COG5: variants seen among roughly 807,000 people sequenced by gnomAD.
COG5 encodes component of oligomeric golgi complex 5.
A neutral mutation model predicts 110.4 loss-of-function variants in COG5; 86 were observed. The ratio of observed to expected loss-of-function variants is 0.78; its 90% CI spans 0.65 to 0.93. The LOEUF is 0.93. Among genes scored for constraint, COG5 ranks in the 40% least tolerant of loss-of-function variants. The pLI is 0.00. For synonymous variants in COG5, 360 were observed against 334.6 expected, an observed-to-expected ratio of 1.08 and a Z score of -0.83; for missense variants, 1,077 against 987.0, an observed-to-expected ratio of 1.09 and a Z score of -1.22.
chr7:107,466,768 A>G (rs1796318462), intron 6 of COG5, among the ~76,000 whole-genome samples: 1 of 152,234 alleles, frequency 6.6e-6, no homozygotes, highest in Non-Finnish European at 1.5e-5. Context: ...GAGAGAGTTC[A>G]AGGTTTACTA....
intron 7 of COG5, among the ~76,000 whole-genome samples, chr7:107,398,154 A>T (rs1791146913): frequency 6.6e-6 from 1 of 152,242 alleles, no homozygotes; most frequent in Non-Finnish European, 1.5e-5. Flanking sequence ...TTTGCTTTTC[A>T]AAAAGACAAT....
intron 10 of COG5, among the ~76,000 whole-genome samples, chr7:107,358,684 C>G (rs918930436): frequency 7.2e-5 from 11 of 152,164 alleles, no homozygotes; most frequent in African/African-American, 2.7e-4. Flanking sequence ...TACTGAACAC[C>G]TGCTTTTCTA....
rs71314693 is a variant in COG5 at position 107,297,443 on chromosome 7, C to CTTTTTTTTTT, written c.1313+689_1313+698dup. 2.6e-4 allele frequency among the ~76,000 whole-genome samples: 20 copies of CTTTTTTTTTT among 77,984 alleles called. 2 individuals carry two copies. Among genetic ancestry groups the CTTTTTTTTTT allele is most frequent in the East Asian group, 1.8e-3 (4 of 2,226 alleles). The allele number at this position is 77,984 out of a possible 152,430, so 51.2% of individuals were successfully genotyped here. On this transcript the variant is annotated intron_variant, in intron 12 of 21. Transcript: ENST00000297135. ...TACCCAAGGGATGAGTACATTCTGCCTTTTTTTTTTTTTTTTTTTTTTTGA... is the reference window on the plus strand; with the variant it reads ...TACCCAAGGGATGAGTACATTCTGCCTTTTTTTTTTTTTTTTTTTTTTTTTTTTTTTTTGA...
rs774725298 is a variant in COG5, at chr7:107,236,676, C to G, written c.1865G>C (p.Ser622Thr). Residue 622 changes from serine (S) to threonine (T), a missense_variant, in exon 18 of 22, where the codon AGC becomes ACC. By Grantham distance (58) the Ser-to-Thr change is moderately conservative. Coordinates refer to ENST00000297135, the MANE Select transcript of COG5 (RefSeq NM_006348.5). Reference sequence around the variant, plus strand: ...ACAAGGAACATCAGGTTTTCCTGAGCTGGATAATGACCTGTAAAAGAAAAA... The same window carrying G: ...ACAAGGAACATCAGGTTTTCCTGAGGTGGATAATGACCTGTAAAAGAAAAA... ...HQEDFSGSLS[S>T]SGKPDVPCSL... 8.1e-6 allele frequency: 13 copies of G among 1,612,820 alleles called. No homozygotes were observed. Among genetic ancestry groups the G allele is most frequent in the East Asian group, 2.2e-5 (1 of 44,882 alleles).
At chr7:107,287,709 G>A (rs1562951778) in intron 12 of COG5, among the ~76,000 whole-genome samples, 1 of 152,068 alleles carries the variant, frequency 6.6e-6, no homozygotes, top group Non-Finnish European at 1.5e-5. Context: ...TTGCTATTCT[G>A]GATTTGCATA....
At chr7:107,455,960 A>AT (rs938447193) in intron 6 of COG5, among the ~76,000 whole-genome samples, 45 of 148,000 alleles carry the variant, frequency 3.0e-4, no homozygotes, top group South Asian at 4.3e-4. Flanking sequence ...CACCTGGCTA[A>AT]TTTTTTTTTT....
chr7:107,271,217 G>C (rs1257952014), intron 14 of COG5, among the ~76,000 whole-genome samples: 1 of 152,030 alleles, frequency 6.6e-6, no homozygotes, highest in Non-Finnish European at 1.5e-5. Flanking sequence ...ATTGCATCTA[G>C]CCTGGGCAAC....
rs1805872610 is a variant in COG5, at chr7:107,288,881, G to A, written c.1314-5149C>T. Reference sequence around the variant, plus strand: ...TATTTACCAAATCCTAATGCATGAAGATTTGCCCCTATGTTTTCTAACAGA... The same window carrying A: ...TATTTACCAAATCCTAATGCATGAAAATTTGCCCCTATGTTTTCTAACAGA... On this transcript the variant is annotated intron_variant, in intron 12 of 21. Coordinates refer to ENST00000297135, the MANE Select transcript of COG5 (RefSeq NM_006348.5). 3.2e-5 allele frequency among the ~76,000 whole-genome samples: 4 copies of A among 126,544 alleles called. No individual in the cohort carries two copies. The South Asian group carries it at 1.1e-3, about 34-fold the overall frequency. The allele number at this position is 126,544 out of a possible 152,430, so 83.0% of individuals were successfully genotyped here.
rs200129484 is a variant in COG5 at position 107,535,354 on chromosome 7, C to CA, written c.418-7998dup. 3.9e-3 allele frequency among the ~76,000 whole-genome samples: 592 copies of CA among 151,134 alleles called. 31 individuals carry two copies. The highest frequency in any genetic ancestry group is 0.014 in the African/African-American group (551 of 40,796). On this transcript the variant is annotated intron_variant, in intron 5 of 21. Transcript: ENST00000297135. ...GGAGATAGAGACATGAAAAACCCTT[C>CA]AAAAAAAATCAATGAATCCAGGAGC...
chr7:107,533,420 G>C (rs1195516759), intron 5 of COG5, among the ~76,000 whole-genome samples: 1 of 151,018 alleles, frequency 6.6e-6, no homozygotes, highest in East Asian at 1.9e-4. Flanking sequence ...TAAGAGCTTT[G>C]AAAAAAAGGT....
In COG5 at chr7:107,384,524, T is replaced by C. The variant is rs141384265; in HGVS notation, c.670-11764A>G. On this transcript the variant is annotated intron_variant, in intron 7 of 21. Transcript: ENST00000297135. ...GCGAGAGGCCCTGTTTTCCCCCTTTTCCCCCAGTAAAACTGTGCTTCACTC... is the reference window on the plus strand; with the variant it reads ...GCGAGAGGCCCTGTTTTCCCCCTTTCCCCCCAGTAAAACTGTGCTTCACTC... Among the ~76,000 whole-genome samples, 1,170 of 152,178 alleles carry C rather than the reference T, an allele frequency of 7.7e-3. 16 individuals carry two copies. Among genetic ancestry groups the C allele is most frequent in the African/African-American group, 0.026 (1,100 of 41,524 alleles).
At chr7:107,487,675 T>C (rs1797728443) in intron 6 of COG5, among the ~76,000 whole-genome samples, 1 of 151,774 alleles carries the variant, frequency 6.6e-6, no homozygotes, top group African/African-American at 2.4e-5. Context: ...ATTGAACAAC[T>C]GTGCAAAGAT....
chr7:107,390,496 T>C (rs1790540108), intron 7 of COG5, among the ~76,000 whole-genome samples: 1 of 152,032 alleles, frequency 6.6e-6, no homozygotes, highest in Non-Finnish European at 1.5e-5. Flanking sequence ...TTCTCTACCA[T>C]GGAATCAATC....
intron 1 of COG5, among the ~76,000 whole-genome samples, chr7:107,562,694 G>T (rs189701308): frequency 6.6e-5 from 10 of 152,280 alleles, no homozygotes; most frequent in Admixed American, 2.0e-4. Flanking sequence ...ACATGAAATA[G>T]TTCAGAAAAC....
At chr7:107,553,935 G>A (rs1299009599) in intron 3 of COG5, among the ~76,000 whole-genome samples, 1 of 152,150 alleles carries the variant, frequency 6.6e-6, no homozygotes, top group East Asian at 1.9e-4. Context: ...ACAATGCTGT[G>A]TTAGTACACA....
chr7:107,243,270 T>C (rs575153896), intron 17 of COG5, among the ~76,000 whole-genome samples: 1 of 152,168 alleles, frequency 6.6e-6, no homozygotes, highest in South Asian at 2.1e-4. Flanking sequence ...TCCCAGCACC[T>C]TGGGAGGCCG....
intron 21 of COG5, among the ~76,000 whole-genome samples, chr7:107,203,908 T>C (rs1166696857): frequency 6.6e-6 from 1 of 152,134 alleles, no homozygotes; most frequent in Non-Finnish European, 1.5e-5. Flanking sequence ...GCTGTGTAAA[T>C]ATGTTCTCAA....
intron 16 of COG5, among the ~76,000 whole-genome samples, chr7:107,250,564 T>C (rs1802427175): frequency 2.0e-5 from 3 of 151,746 alleles, no homozygotes; most frequent in Non-Finnish European, 4.4e-5. Flanking sequence ...GAAAAGACAA[T>C]CAAGAGATGC....
intron 15 of COG5, among the ~76,000 whole-genome samples, chr7:107,257,987 T>C (rs1026313241): frequency 1.2e-4 from 18 of 152,176 alleles, no homozygotes; most frequent in Non-Finnish European, 1.9e-4. Flanking sequence ...TCAATAAGTA[T>C]GAAATATGTA....
Sources: allele counts gnomAD v4.1 joint callset (sites outside exome capture counted in the v4.1 genomes callset), GRCh38; gene constraint gnomAD v4.1.1; transcripts MANE v1.5; gene names NCBI Gene and HGNC (gene_info 2026-07-23, HGNC 2026-07-21).